DSCAM: variants seen among roughly 807,000 people sequenced by gnomAD.
DSCAM encodes DS cell adhesion molecule, also known as cell adhesion molecule DSCAM.
Under a neutral mutation model 217.7 loss-of-function variants are expected in DSCAM, and 47 were observed. That is an observed-to-expected ratio of 0.22 (90% confidence interval 0.17 to 0.28). The LOEUF is 0.28. Among genes scored for constraint, DSCAM ranks in the 10% least tolerant of loss-of-function variants. The probability of loss-of-function intolerance (pLI) is 1.00; values close to 1 mark genes in which losing one functional copy is unlikely to be tolerated. For missense variants in DSCAM, 2,080 were observed against 2,618.3 expected (o/e 0.79, Z 4.49); for synonymous variants, 1,056 against 1,015.3 (o/e 1.04, Z -0.76).
In DSCAM at chr21:40,272,531, T is replaced by C. The variant is rs183123185; in HGVS notation, c.2356+3566A>G. Among the ~76,000 whole-genome samples, 26 of 152,318 alleles carry C rather than the reference T, an allele frequency of 1.7e-4. No individual in the cohort carries two copies. In the East Asian group the frequency reaches 5.0e-3, roughly 29 times the overall value. ...TGTTTATTGTTAAAATGCTTTATTT[T>C]TGGAGTGATGTTTCTTGAAAGCAGT... On this transcript the variant is annotated intron_variant, in intron 11 of 32. Transcript: ENST00000400454.
At chr21:40,497,564 C>A (rs1187631131) in intron 3 of DSCAM, among the ~76,000 whole-genome samples, 1 of 152,254 alleles carries the variant, frequency 6.6e-6, no homozygotes, top group East Asian at 1.9e-4. Context: ...AACACGGTGA[C>A]TGCAATTAAT....
intron 3 of DSCAM, among the ~76,000 whole-genome samples, chr21:40,580,541 A>C (rs2076896666): frequency 6.6e-6 from 1 of 152,102 alleles, no homozygotes; most frequent in South Asian, 2.1e-4. Flanking sequence ...TCTGTCTCAA[A>C]AAAAAACAAA....
chr21:40,322,513 C>T (rs546760919), intron 8 of DSCAM, among the ~76,000 whole-genome samples: 3 of 126,680 alleles, frequency 2.4e-5, no homozygotes, highest in Admixed American at 9.0e-5. Context: ...TTATAGAAAG[C>T]GGGAGCAATT....
intron 3 of DSCAM, among the ~76,000 whole-genome samples, chr21:40,417,732 C>A (rs1205219813): frequency 6.6e-6 from 1 of 152,032 alleles, no homozygotes; most frequent in Non-Finnish European, 1.5e-5. Context: ...AATCGTTGTG[C>A]TTAGTTAATA....
At chr21:40,361,129 T>C (rs1014921487) in intron 4 of DSCAM, among the ~76,000 whole-genome samples, 1 of 149,078 alleles carries the variant, frequency 6.7e-6, no homozygotes, top group African/African-American at 2.4e-5. Flanking sequence ...CTTCAAACTT[T>C]TATATATATA....
chr21:40,823,614 C>A (rs754078172), intron 1 of DSCAM, among the ~76,000 whole-genome samples: 27 of 152,210 alleles, frequency 1.8e-4, no homozygotes, highest in South Asian at 1.7e-3. Context: ...TAACAGGAAC[C>A]AAAATTGATC....
intron 3 of DSCAM, among the ~76,000 whole-genome samples, chr21:40,491,897 C>A (rs2076079028): frequency 6.6e-6 from 1 of 152,208 alleles, no homozygotes; most frequent in African/African-American, 2.4e-5. Context: ...TCCCAACCCC[C>A]CTTCCCGGGG....
intron 10 of DSCAM, among the ~76,000 whole-genome samples, chr21:40,291,143 C>T (rs2073887253): frequency 6.6e-6 from 1 of 152,208 alleles, no homozygotes; most frequent in African/African-American, 2.4e-5. Context: ...TTGTCACACC[C>T]ATAGTATGTC....
At chr21:40,418,224 A>C (rs2075390467) in intron 3 of DSCAM, among the ~76,000 whole-genome samples, 1 of 152,184 alleles carries the variant, frequency 6.6e-6, no homozygotes, top group Non-Finnish European at 1.5e-5. Flanking sequence ...TTCAATGCTC[A>C]GATTCTGGAA....
intron 4 of DSCAM, among the ~76,000 whole-genome samples, chr21:40,360,637 T>C (rs956048614): frequency 1.3e-5 from 2 of 152,300 alleles, no homozygotes. Context: ...CTGCAAAGAA[T>C]GAGATTTCAT....
intron 28 of DSCAM, among the ~76,000 whole-genome samples, chr21:40,056,763 T>C (rs922666839): frequency 6.6e-6 from 1 of 152,244 alleles, no homozygotes; most frequent in Non-Finnish European, 1.5e-5. Context: ...AGCTCAATTG[T>C]TGTTAACACT....
At chr21:40,641,125 T>C (rs967513404) in intron 3 of DSCAM, among the ~76,000 whole-genome samples, 1 of 152,216 alleles carries the variant, frequency 6.6e-6, no homozygotes, top group Admixed American at 6.5e-5. Flanking sequence ...TTTACATATG[T>C]AACTCAGCGT....
chr21:40,825,208 C>T (rs558601029), intron 1 of DSCAM, among the ~76,000 whole-genome samples: 5 of 152,288 alleles, frequency 3.3e-5, no homozygotes, highest in Admixed American at 6.5e-5. Flanking sequence ...CACAAAATCC[C>T]TGCTTTCTTG....
chr21:40,308,145 G>T (rs2074100142), intron 9 of DSCAM, among the ~76,000 whole-genome samples: 2 of 152,062 alleles, frequency 1.3e-5, no homozygotes, highest in African/African-American at 4.8e-5. Flanking sequence ...ATAAAATCAG[G>T]TGTGCCTGTG....
intron 1 of DSCAM, among the ~76,000 whole-genome samples, chr21:40,735,825 A>G (rs2091058287): frequency 6.6e-6 from 1 of 152,276 alleles, no homozygotes; most frequent in South Asian, 2.1e-4. Flanking sequence ...ACACCAACCA[A>G]TTCTCTCTGG....
chr21:40,535,626 G>T (rs745489811), intron 3 of DSCAM, among the ~76,000 whole-genome samples: 5 of 152,176 alleles, frequency 3.3e-5, no homozygotes, highest in African/African-American at 4.8e-5. Context: ...TATCAGATAT[G>T]TAGCAAGCAC....
chr21:40,038,633 G>A, intron 32 of DSCAM, among the ~76,000 whole-genome samples: 2 of 109,896 alleles, frequency 1.8e-5, no homozygotes, highest in Admixed American at 1.0e-4. Flanking sequence ...TCTAGAACTA[G>A]AAATACCATT....
intron 15 of DSCAM, among the ~76,000 whole-genome samples, chr21:40,170,150 G>A (rs1888501): frequency 0.12 from 18,004 of 152,148 alleles, 1,312 homozygotes; most frequent in African/African-American, 0.2. Context: ...GGACCCCTGG[G>A]TAGAGCCGAG....
intron 1 of DSCAM, among the ~76,000 whole-genome samples, chr21:40,749,903 C>T (rs2091211060): frequency 6.6e-6 from 1 of 151,958 alleles, no homozygotes; most frequent in Non-Finnish European, 1.5e-5. Context: ...GTAGCCTCTC[C>T]CCTCTAATCC....
Sources: allele counts gnomAD v4.1 joint callset (sites outside exome capture counted in the v4.1 genomes callset), GRCh38; gene constraint gnomAD v4.1.1; transcripts MANE v1.5; gene names NCBI Gene and HGNC (gene_info 2026-07-23, HGNC 2026-07-21).